CTNNA2: variants seen among roughly 807,000 people sequenced by gnomAD.
The protein encoded by CTNNA2 is catenin alpha-2.
In CTNNA2, 42 loss-of-function variants were observed where a neutral mutation model predicts 101.0. That is an observed-to-expected ratio of 0.42 (90% CI 0.32 to 0.54). The LOEUF (loss-of-function observed/expected upper bound fraction) is 0.54. Ranked by LOEUF, CTNNA2 falls within the 20% of genes least tolerant of loss-of-function variation. CTNNA2 has a pLI of 0.14. For missense variants in CTNNA2, 871 were observed against 1,223.1 expected (o/e 0.71, Z 4.29); for synonymous variants, 450 against 456.4 (o/e 0.99, Z 0.18).
At chr2:80,483,956 C>T (rs1686345701) in intron 9 of CTNNA2, among the ~76,000 whole-genome samples, 1 of 151,968 alleles carries the variant, frequency 6.6e-6, no homozygotes, top group African/African-American at 2.4e-5. Flanking sequence ...TGAACTTCAT[C>T]ATGGGTAAAT....
At chr2:80,034,344 A>ATT (rs200394714) in intron 7 of CTNNA2, among the ~76,000 whole-genome samples, 3 of 84,634 alleles carry the variant, frequency 3.5e-5, no homozygotes, top group East Asian at 4.5e-4. Flanking sequence ...GCTGAATTTC[A>ATT]TTTTTTTTTC....
intron 4 of CTNNA2, among the ~76,000 whole-genome samples, chr2:79,490,617 T>C (rs1432440184): frequency 6.6e-6 from 1 of 152,188 alleles, no homozygotes; most frequent in Non-Finnish European, 1.5e-5. Context: ...AAAGAGTTAT[T>C]ACAACTGAAT....
intron 7 of CTNNA2, among the ~76,000 whole-genome samples, chr2:80,157,448 C>T (rs564232455): frequency 4.6e-5 from 7 of 152,040 alleles, no homozygotes; most frequent in African/African-American, 7.2e-5. Context: ...CATGAGTGCA[C>T]GACAACTGGA....
intron 7 of CTNNA2, among the ~76,000 whole-genome samples, chr2:79,957,978 G>A (rs1558674880): frequency 6.6e-6 from 1 of 152,138 alleles, no homozygotes; most frequent in East Asian, 1.9e-4. Context: ...TTGCACCCAG[G>A]CCTTCTGTTC....
intron 7 of CTNNA2, among the ~76,000 whole-genome samples, chr2:80,028,560 A>T (rs1050107321): frequency 6.6e-6 from 1 of 152,214 alleles, no homozygotes; most frequent in African/African-American, 2.4e-5. Flanking sequence ...CCCCTCAAAT[A>T]TGCCCACATC....
rs182730379 is a variant in CTNNA2 at position 79,491,426 on chromosome 2, T to G, written c.-134-13628T>G. ...ACACAGCTTCAAACACCAAGGAGAT[T>G]TAGATTTAAATAGCCAAAGTTAACA... is the stretch of plus-strand genomic sequence containing the variant. On this transcript the variant is annotated intron_variant, in intron 4 of 21. Transcript: ENST00000466387. Among the ~76,000 whole-genome samples the G allele has an allele frequency of 7.9e-5, 12 of 152,252 alleles. No homozygotes were observed. The East Asian group carries it at 1.5e-3, about 20-fold the overall frequency.
At chr2:79,396,379 G>C (rs184699427) in intron 4 of CTNNA2, among the ~76,000 whole-genome samples, 6 of 151,950 alleles carry the variant, frequency 3.9e-5, no homozygotes, top group African/African-American at 1.4e-4. Context: ...AGCTGGTCTC[G>C]AACTCCTGAC....
chr2:80,587,057 T>C (rs1358671853), intron 14 of CTNNA2, among the ~76,000 whole-genome samples: 1 of 152,142 alleles, frequency 6.6e-6, no homozygotes, highest in East Asian at 1.9e-4. Flanking sequence ...CAGGCACAAC[T>C]GATGATCCAG....
At chr2:79,250,647 T>C (rs1238440478) in intron 2 of CTNNA2, among the ~76,000 whole-genome samples, 1 of 152,194 alleles carries the variant, frequency 6.6e-6, no homozygotes, top group African/African-American at 2.4e-5. Flanking sequence ...GCTACATATC[T>C]GGTTTATGAA....
rs149571481 is a variant in CTNNA2, at chr2:79,637,128, G to A, written c.-5-14424G>A. Among the ~76,000 whole-genome samples the A allele has an allele frequency of 2.8e-4, 42 of 152,344 alleles. No homozygotes were observed. In the East Asian group the frequency reaches 8.1e-3, roughly 29 times the overall value. Reference sequence around the variant, plus strand: ...GACTACCTTTTCAAGAAGCTAGGCTGTGAAGGAGAAGGGAAGTATAGAATG... The same window carrying A: ...GACTACCTTTTCAAGAAGCTAGGCTATGAAGGAGAAGGGAAGTATAGAATG... On this transcript the variant is annotated intron_variant, in intron 1 of 18. Coordinates refer to ENST00000402739, the MANE Select transcript of CTNNA2 (RefSeq NM_001282597.3).
intron 2 of CTNNA2, among the ~76,000 whole-genome samples, chr2:79,734,581 T>C (rs1246163695): frequency 3.3e-5 from 5 of 152,064 alleles, no homozygotes; most frequent in Non-Finnish European, 7.4e-5. Context: ...TTCAGGAAAC[T>C]TTAAGGATAT....
chr2:79,465,981 C>T (rs539454433), intron 4 of CTNNA2, among the ~76,000 whole-genome samples: 1 of 152,280 alleles, frequency 6.6e-6, no homozygotes, highest in South Asian at 2.1e-4. Flanking sequence ...CAGGTGATTT[C>T]TGCATTTCCA....
chr2:80,436,598 A>T (rs1682054954), intron 9 of CTNNA2, among the ~76,000 whole-genome samples: 1 of 152,100 alleles, frequency 6.6e-6, no homozygotes, highest in Admixed American at 6.5e-5. Flanking sequence ...AAAATACCTT[A>T]GACTGGGCAA....
chr2:79,840,574 A>G (rs1045357963), intron 3 of CTNNA2, among the ~76,000 whole-genome samples: 1 of 152,086 alleles, frequency 6.6e-6, no homozygotes, highest in African/African-American at 2.4e-5. Context: ...CTCTCATCTT[A>G]CCTTTAAAAT....
At position 79,258,845 on chromosome 2, in the gene CTNNA2, C is replaced by CAAAAAAAAAAAAA. The variant is rs869066159; in HGVS notation, c.-405-53850_-405-53838dup. 4.4e-5 allele frequency among the ~76,000 whole-genome samples: 4 copies of CAAAAAAAAAAAAA among 91,400 alleles called. 1 individual carries two copies. Among genetic ancestry groups the CAAAAAAAAAAAAA allele is most frequent in the African/African-American group, 1.9e-4 (4 of 21,484 alleles). The allele number at this position is 91,400 out of a possible 152,430, so 60.0% of individuals were successfully genotyped here. ...ATGAAGCCAAGGCCAAATCCTCTACCAAAAAAAAAAAAAAAAAAAAAAAAA... is the reference window on the plus strand; with the variant it reads ...ATGAAGCCAAGGCCAAATCCTCTACCAAAAAAAAAAAAAAAAAAAAAAAAAAAAAAAAAAAAAA... On this transcript the variant is annotated intron_variant, in intron 2 of 21. Transcript: ENST00000466387.
At chr2:80,009,425 G>A (rs1181133638) in intron 7 of CTNNA2, among the ~76,000 whole-genome samples, 1 of 152,094 alleles carries the variant, frequency 6.6e-6, no homozygotes, top group Non-Finnish European at 1.5e-5. Context: ...CAAGTCATTG[G>A]GAAGATTTGA....
chr2:79,433,218 ATT>A (rs201213251), intron 4 of CTNNA2, among the ~76,000 whole-genome samples: 268 of 152,308 alleles, frequency 1.8e-3, no homozygotes, highest in African/African-American at 5.9e-3. Context: ...CTTTCAAATC[ATT>A]GTTTTGGTTG....
intron 7 of CTNNA2, among the ~76,000 whole-genome samples, chr2:80,382,501 G>C (rs1160077161): frequency 6.6e-6 from 1 of 152,196 alleles, no homozygotes; most frequent in Non-Finnish European, 1.5e-5. Context: ...TATTTCCTTG[G>C]TGAGAATTGT....
intron 1 of CTNNA2, among the ~76,000 whole-genome samples, chr2:79,611,166 G>A (rs1440700322): frequency 6.6e-6 from 1 of 152,132 alleles, no homozygotes; most frequent in African/African-American, 2.4e-5. Context: ...GAACACAGCA[G>A]TTACTCTTTG....
Sources: allele counts gnomAD v4.1 joint callset (sites outside exome capture counted in the v4.1 genomes callset), GRCh38; gene constraint gnomAD v4.1.1; transcripts MANE v1.5; gene names NCBI Gene and HGNC (gene_info 2026-07-23, HGNC 2026-07-21).